MGAT4C: variants seen among roughly 807,000 people sequenced by gnomAD.
The protein encoded by MGAT4C is alpha-1,3-mannosyl-glycoprotein 4-beta-N-acetylglucosaminyltransferase C.
Under a neutral mutation model 40.1 loss-of-function variants are expected in MGAT4C, and 19 were observed. The observed-to-expected ratio is 0.47, with a 90% CI of 0.33 to 0.70. MGAT4C has a LOEUF of 0.70. Ranked by LOEUF, MGAT4C falls within the 30% of genes least tolerant of loss-of-function variation. The pLI, the probability that MGAT4C is intolerant of heterozygous loss-of-function variation, is 0.02. For synonymous variants in MGAT4C, 181 were observed against 187.1 expected (o/e 0.97, Z 0.27); for missense variants, 491 against 563.2 (o/e 0.87, Z 1.30).
intron 2 of MGAT4C, among the ~76,000 whole-genome samples, chr12:85,990,700 C>A (rs1028820798): frequency 1.3e-5 from 2 of 151,938 alleles, no homozygotes; most frequent in Non-Finnish European, 2.9e-5. Context: ...AATTATAAGT[C>A]TAAAAATAAT....
At chr12:86,577,182 T>G (rs879596192) in intron 2 of MGAT4C, among the ~76,000 whole-genome samples, 4 of 151,908 alleles carry the variant, frequency 2.6e-5, no homozygotes, top group Admixed American at 2.0e-4. Context: ...TTTACTGAAT[T>G]TATCCGTTCT....
intron 2 of MGAT4C, among the ~76,000 whole-genome samples, chr12:86,678,679 G>A (rs1239362711): frequency 6.7e-6 from 1 of 149,908 alleles, no homozygotes; most frequent in Admixed American, 6.8e-5. Context: ...AATATGTGGT[G>A]TTTGGTTTTT....
At chr12:86,508,815 G>A (rs1381785358) in intron 2 of MGAT4C, among the ~76,000 whole-genome samples, 40 of 149,250 alleles carry the variant, frequency 2.7e-4, no homozygotes, top group Admixed American at 6.0e-4. Context: ...GCCAGTGATG[G>A]TGAGCATTTT....
At chr12:86,701,816 A>C (rs1377375550) in intron 2 of MGAT4C, among the ~76,000 whole-genome samples, 1 of 152,164 alleles carries the variant, frequency 6.6e-6, no homozygotes, top group Non-Finnish European at 1.5e-5. Context: ...TACTCCAATG[A>C]ATGCATTAAT....
chr12:86,257,212 A>T (rs1952545344), upstream of MGAT4C, among the ~76,000 whole-genome samples: 1 of 152,142 alleles, frequency 6.6e-6, no homozygotes, highest in Non-Finnish European at 1.5e-5. Context: ...ATCTTGACAA[A>T]AGCCCCAGAT....
chr12:86,170,621 G>T (rs988129464), intron 1 of MGAT4C, among the ~76,000 whole-genome samples: 1 of 152,138 alleles, frequency 6.6e-6, no homozygotes, highest in Non-Finnish European at 1.5e-5. Flanking sequence ...ATTTTCCAAA[G>T]ATAACAGACC....
intron 1 of MGAT4C, among the ~76,000 whole-genome samples, chr12:86,197,990 C>A (rs1360566679): frequency 6.6e-6 from 1 of 152,014 alleles, no homozygotes; most frequent in East Asian, 1.9e-4. Flanking sequence ...AATATTGTTA[C>A]AATAAACAAC....
At chr12:86,709,120 T>C (rs1482680247) in intron 2 of MGAT4C, among the ~76,000 whole-genome samples, 3 of 152,264 alleles carry the variant, frequency 2.0e-5, no homozygotes, top group African/African-American at 7.2e-5. Flanking sequence ...TGGGAGGTAA[T>C]TGAATCATGG....
chr12:85,990,765 C>T (rs1885815351), intron 2 of MGAT4C, among the ~76,000 whole-genome samples: 1 of 151,948 alleles, frequency 6.6e-6, no homozygotes, highest in African/African-American at 2.4e-5. Flanking sequence ...TTTCTTTGAT[C>T]ATATTTTTCT....
intron 4 of MGAT4C, among the ~76,000 whole-genome samples, chr12:86,306,933 A>G (rs745427905): frequency 2.7e-5 from 4 of 150,536 alleles, no homozygotes; most frequent in East Asian, 1.9e-4. Flanking sequence ...ATGAAATTCT[A>G]TTTTTCAGTA....
At chr12:86,829,707 G>C (rs1190744382) in intron 1 of MGAT4C, among the ~76,000 whole-genome samples, 3 of 150,778 alleles carry the variant, frequency 2.0e-5, no homozygotes, top group African/African-American at 7.3e-5. Flanking sequence ...TTGTTCTTTT[G>C]TTTCTTTTAT....
chr12:86,168,208 A>G (rs533729785), intron 1 of MGAT4C, among the ~76,000 whole-genome samples: 2 of 152,280 alleles, frequency 1.3e-5, no homozygotes, highest in South Asian at 4.1e-4. Flanking sequence ...GTCTCTTTTC[A>G]TGTGCGCATA....
intron 3 of MGAT4C, among the ~76,000 whole-genome samples, chr12:86,336,901 T>A (rs975411301): frequency 2.0e-5 from 3 of 152,174 alleles, no homozygotes; most frequent in Non-Finnish European, 4.4e-5. Context: ...CAATATAACT[T>A]AATATTCACT....
intron 1 of MGAT4C, among the ~76,000 whole-genome samples, chr12:86,090,506 G>A (rs372772788): frequency 2.6e-5 from 4 of 151,682 alleles, no homozygotes; most frequent in Non-Finnish European, 4.4e-5. Flanking sequence ...TATATTGGTT[G>A]AGTGTAAATA....
intron 2 of MGAT4C, among the ~76,000 whole-genome samples, chr12:86,701,047 A>G (rs1950353747): frequency 6.6e-6 from 1 of 152,130 alleles, no homozygotes; most frequent in South Asian, 2.1e-4. Flanking sequence ...TTTTTTCAAG[A>G]TCTTAAATAG....
At chr12:86,832,693 T>C (rs1281692502) in intron 1 of MGAT4C, among the ~76,000 whole-genome samples, 1 of 151,812 alleles carries the variant, frequency 6.6e-6, no homozygotes, top group Non-Finnish European at 1.5e-5. Context: ...GCCATTATAG[T>C]ATGGTGATTA....
At position 86,164,763 on chromosome 12, in the gene MGAT4C, G is replaced by A. The variant is rs528065135; in HGVS notation, c.-57+91476C>T. 2.0e-5 allele frequency among the ~76,000 whole-genome samples: 3 copies of A among 152,296 alleles called. No homozygotes were observed. The South Asian group carries it at 6.2e-4, about 32-fold the overall frequency. On this transcript the variant is annotated intron_variant, in intron 1 of 4. Transcript: ENST00000611864. ...TTGAAAAAAATGCTACTGTTGCAGAGTGTGAGGGTGAGACAAGTTATGTTG... is the reference window on the plus strand; with the variant it reads ...TTGAAAAAAATGCTACTGTTGCAGAATGTGAGGGTGAGACAAGTTATGTTG...
At chr12:86,211,559 G>A (rs1053484536) in intron 1 of MGAT4C, among the ~76,000 whole-genome samples, 5 of 151,662 alleles carry the variant, frequency 3.3e-5, no homozygotes, top group East Asian at 3.9e-4. Context: ...TGTGCTGCGG[G>A]CTGGGTGACA....
At chr12:86,256,530 T>G (rs1423829843), upstream of MGAT4C, 1 of 152,138 alleles carries the variant, frequency 6.6e-6, no homozygotes, top group Non-Finnish European at 1.5e-5. Flanking sequence ...AAATGCACAT[T>G]TCTGACTATA....
Sources: allele counts gnomAD v4.1 joint callset (sites outside exome capture counted in the v4.1 genomes callset), GRCh38; gene constraint gnomAD v4.1.1; transcripts MANE v1.5; gene names NCBI Gene and HGNC (gene_info 2026-07-23, HGNC 2026-07-21).